Variants in METTL9 observed in about 807,000 individuals in gnomAD.
METTL9 encodes the protein methyltransferase 9, His-X-His N1(pi)-histidine.
In METTL9, 10 loss-of-function variants were observed where a neutral mutation model predicts 36.0. That is an observed-to-expected ratio of 0.28 (90% CI 0.17 to 0.47). The LOEUF (loss-of-function observed/expected upper bound fraction) is 0.47. Among genes scored for constraint, METTL9 ranks in the 20% least tolerant of loss-of-function variants. METTL9 has a pLI of 0.99. For missense variants in METTL9, 246 were observed against 383.5 expected, an observed-to-expected ratio of 0.64 and a Z score of 3.00; for synonymous variants, 175 against 149.7, an observed-to-expected ratio of 1.17 and a Z score of -1.23.
In METTL9 at chr16:21,599,690, GC is replaced by G; in HGVS notation, c.-40del. ...GAGGCGGCGGTGCCTCCTCCTCCTCGCCCCGGCGCCGGCGGTGATCCGAGCG... is the reference window on the plus strand; with the variant it reads ...GAGGCGGCGGTGCCTCCTCCTCCTCGCCCGGCGCCGGCGGTGATCCGAGCG... On this transcript the variant is annotated 5_prime_UTR_variant, in exon 1 of 5. It removes the in-frame stop codon of an upstream open reading frame in the 5' UTR. Coordinates refer to ENST00000358154, the MANE Select transcript of METTL9 (RefSeq NM_016025.5). This position sits in a 1 kb window ranked among gnomAD's most constrained non-coding sequence, Gnocchi z 4.4. The G allele has an allele frequency of 7.0e-7, 1 of 1,426,286 alleles. No homozygotes were observed. The highest frequency in any genetic ancestry group is 9.1e-7 in the Non-Finnish European group (1 of 1,094,092). 88.4% of individuals were successfully genotyped at this position (1,426,286 alleles called of 1,614,324 possible).
chr16:21,598,827 T>C (rs1965014522), upstream of METTL9, among the ~76,000 whole-genome samples: 1 of 152,158 alleles, frequency 6.6e-6, no homozygotes, highest in Non-Finnish European at 1.5e-5. Flanking sequence ...AGGTCTTCAT[T>C]CTTGGGCAGG....
chr16:21,599,786 C>T lies in METTL9; in HGVS notation c.53C>T (p.Ala18Val). ...CTGAGCCTGGCGTCCGTGTGGCTGG[C>T]GCGGAGGATGTGGACGCTGCGGAGC... ...LCLSLASVWL[A>V]RRMWTLRSPL... Residue 18 changes from alanine to valine, a missense_variant, in exon 1 of 5, where the codon GCG becomes GTG. This residue lies in a region of METTL9 where 100 missense variants were observed against 81.4 expected (regional missense o/e 1.23). Coordinates refer to ENST00000358154, the MANE Select transcript of METTL9 (RefSeq NM_016025.5). The surrounding 1 kb of genome is among the most constrained non-coding windows in gnomAD (Gnocchi z 4.4). 3 of 1,548,178 alleles carry T rather than the reference C, an allele frequency of 1.9e-6. No individual in the cohort carries two copies. The highest frequency in any genetic ancestry group is 1.2e-5 in the South Asian group (1 of 84,478).
intron 2 of METTL9, among the ~76,000 whole-genome samples, chr16:21,615,435 G>T (rs1486136723): frequency 3.3e-5 from 5 of 151,942 alleles, no homozygotes; most frequent in Non-Finnish European, 5.9e-5. Context: ...TCACCATGTT[G>T]CCCAGCTGGT....
At chr16:21,645,743 A>G (rs890760443) in intron 4 of METTL9, among the ~76,000 whole-genome samples, 1 of 152,194 alleles carries the variant, frequency 6.6e-6, no homozygotes, top group Non-Finnish European at 1.5e-5. Context: ...ATGTTTTTAG[A>G]AGGCTAATGC....
chr16:21,641,479 T>A, intron 4 of METTL9: 1 of 1,010,130 alleles, frequency 9.9e-7, no homozygotes, highest in Non-Finnish European at 1.5e-6. Flanking sequence ...TCATTAACAC[T>A]GCCATAGCTC....
rs1966718211 is a variant in METTL9 at position 21,656,660 on chromosome 16, CTACTT to C, written c.*1231_*1235del. ...GGTTATTAACAATATGTTATCCTCA[CTACTT>C]TATTTCTTTTTTCATCCAGGTGTTT... is the stretch of plus-strand genomic sequence containing the variant. On this transcript the variant is annotated 3_prime_UTR_variant, in exon 5 of 5. Coordinates refer to ENST00000358154, the MANE Select transcript of METTL9 (RefSeq NM_016025.5). 1 of 152,186 alleles carries C rather than the reference CTACTT, an allele frequency of 6.6e-6. No homozygotes were observed. The highest frequency in any genetic ancestry group is 2.4e-5 in the African/African-American group (1 of 41,442). 9.4% of individuals were successfully genotyped at this position (152,186 alleles called of 1,614,324 possible). A position where few individuals can be genotyped will look rare whatever the true frequency, so the allele number is the denominator to read the frequency against.
At position 21,656,856 on chromosome 16, in the gene METTL9, C is replaced by T. The variant is rs1016117433; in HGVS notation, c.*1424C>T. On this transcript the variant is annotated 3_prime_UTR_variant, in exon 5 of 5. Transcript: ENST00000358154. ...ATATCTTCCACTGTTACTGTGCAGT[C>T]ATAATAAGAGTTGGGTTATGTGATT... 3 of 152,052 alleles carry T rather than the reference C, an allele frequency of 2.0e-5. No individual in the cohort carries two copies. The highest frequency in any genetic ancestry group is 2.0e-4 in the Admixed American group (3 of 15,252). 9.4% of individuals were successfully genotyped at this position (152,052 alleles called of 1,614,324 possible).
intron 1 of METTL9, among the ~76,000 whole-genome samples, chr16:21,607,283 CAG>C (rs1217460712): frequency 6.6e-6 from 1 of 152,144 alleles, no homozygotes; most frequent in Non-Finnish European, 1.5e-5. Context: ...CCATGTTGGC[CAG>C]GCTGGTCTTG....
At chr16:21,613,168 CTTTTTT>C (rs57388340) in intron 2 of METTL9, among the ~76,000 whole-genome samples, 5 of 91,426 alleles carry the variant, frequency 5.5e-5, no homozygotes, top group African/African-American at 2.2e-4. Context: ...TGAGAGTCTG[CTTTTTT>C]TTTTTTTTTT....
At chr16:21,641,815 C>T (rs959146428) in intron 4 of METTL9, among the ~76,000 whole-genome samples, 5 of 151,954 alleles carry the variant, frequency 3.3e-5, no homozygotes, top group Non-Finnish European at 7.4e-5. Flanking sequence ...CTGTCAAAAT[C>T]GTGGCTGGGA....
intron 4 of METTL9, chr16:21,644,240 G>T: frequency 2.4e-6 from 3 of 1,257,304 alleles, no homozygotes; most frequent in South Asian, 1.2e-5. Flanking sequence ...TTTTTCTTTT[G>T]ATAATATTCA....
At chr16:21,647,129 T>G in intron 4 of METTL9, 1 of 1,614,240 alleles carries the variant, frequency 6.2e-7, no homozygotes, top group Non-Finnish European at 8.5e-7. Flanking sequence ...CCTCGCTGAC[T>G]GACCTCTTAC....
At chr16:21,606,144 G>A (rs1029833049) in intron 1 of METTL9, among the ~76,000 whole-genome samples, 2 of 152,038 alleles carry the variant, frequency 1.3e-5, no homozygotes, top group Non-Finnish European at 1.5e-5. Context: ...AGACCATCCC[G>A]GCTAACAGGG....
chr16:21,606,243 A>G (rs1245931453), intron 1 of METTL9, among the ~76,000 whole-genome samples: 2 of 152,170 alleles, frequency 1.3e-5, no homozygotes, highest in Admixed American at 1.3e-4. Flanking sequence ...AGGCTGAGGC[A>G]GGAGAATCGC....
At chr16:21,649,106 T>G (rs2141622036) in intron 4 of METTL9, among the ~76,000 whole-genome samples, 1 of 152,214 alleles carries the variant, frequency 6.6e-6, no homozygotes, top group Admixed American at 6.5e-5. Context: ...TCATCCTGCC[T>G]TAGCTTCTCA....
chr16:21,599,510 CA>C, upstream of METTL9: 2 of 1,240,978 alleles, frequency 1.6e-6, no homozygotes, highest in Non-Finnish European at 2.0e-6. This position sits in a 1 kb window ranked among gnomAD's most constrained non-coding sequence, Gnocchi z 4.4. Context: ...GAAACTGGTG[CA>C]GGGGGCAGCG....
chr16:21,631,992 C>T (rs1300739288), intron 4 of METTL9, among the ~76,000 whole-genome samples: 1 of 152,122 alleles, frequency 6.6e-6, no homozygotes, highest in Non-Finnish European at 1.5e-5. Flanking sequence ...TTCTTTCTTT[C>T]TCTCTGACTC....
intron 3 of METTL9, among the ~76,000 whole-genome samples, chr16:21,621,157 T>A (rs906951407): frequency 6.6e-6 from 1 of 151,408 alleles, no homozygotes; most frequent in African/African-American, 2.4e-5. Flanking sequence ...AGAGTGTGTG[T>A]GTGTGTGTGT....
chr16:21,645,994 A>G (rs1185207525), intron 4 of METTL9, among the ~76,000 whole-genome samples: 2 of 152,182 alleles, frequency 1.3e-5, no homozygotes, highest in South Asian at 2.1e-4. Context: ...TCAGAGTCCT[A>G]TTTTGAAATC....
Sources: allele counts gnomAD v4.1 joint callset (sites outside exome capture counted in the v4.1 genomes callset), GRCh38; gene constraint gnomAD v4.1.1; regional missense constraint gnomAD v4.1.1; non-coding constraint Gnocchi (gnomAD v3.1); transcripts MANE v1.5; gene names NCBI Gene and HGNC (gene_info 2026-07-23, HGNC 2026-07-21).